COL4A4: variants seen among roughly 807,000 people sequenced by gnomAD.
COL4A4 encodes collagen alpha-4(IV) chain.
In COL4A4, 105 loss-of-function variants were observed where a neutral mutation model predicts 192.9. The ratio of observed to expected loss-of-function variants is 0.54; its 90% CI spans 0.46 to 0.64. The LOEUF is 0.64. Ranked by LOEUF, COL4A4 falls within the 30% of genes least tolerant of loss-of-function variation. COL4A4 has a pLI of 0.00. For synonymous variants in COL4A4, 762 were observed against 769.9 expected (o/e 0.99, Z 0.17); for missense variants, 1,967 against 2,169.3 (o/e 0.91, Z 1.85).
At chr2:227,056,853 A>G (rs889369876) in intron 29 of COL4A4, among the ~76,000 whole-genome samples, 5 of 152,226 alleles carry the variant, frequency 3.3e-5, no homozygotes, top group South Asian at 2.1e-4. Context: ...AGGAAGGCAC[A>G]CCAAATCTGC....
At chr2:227,055,234 G>C (rs7566098) in intron 30 of COL4A4, among the ~76,000 whole-genome samples, 19,362 of 152,098 alleles carry the variant, frequency 0.13, 1,360 homozygotes, top group African/African-American at 0.18. Flanking sequence ...GCTGGGCTCA[G>C]TTGGGCACGG....
chr2:227,007,072 C>T lies in COL4A4; in HGVS notation c.*253G>A, dbSNP rs548643767. 2.3e-4 allele frequency: 130 copies of T among 575,824 alleles called. 5 individuals carry two copies. In the South Asian group the frequency reaches 2.4e-3, roughly 11 times the overall value. The allele number at this position is 575,824 out of a possible 1,614,324, so 35.7% of individuals were successfully genotyped here. ...GAATTAGCATATTTTTAAGTAAAGC[C>T]AGTTCTTCGATCATCCTCAGTAAAA... On this transcript the variant is annotated 3_prime_UTR_variant, in exon 48 of 48. Coordinates refer to ENST00000396625, the MANE Select transcript of COL4A4 (RefSeq NM_000092.5).
intron 23 of COL4A4, 97 bp from the exon 24 acceptor site, chr2:227,080,646 G>A: frequency 1.8e-6 from 2 of 1,081,456 alleles, no homozygotes; most frequent in Non-Finnish European, 2.8e-6. Flanking sequence ...TTGATTCTGG[G>A]TTGGTAGTTT....
At chr2:227,075,359 C>T (rs1366762138) in intron 25 of COL4A4, among the ~76,000 whole-genome samples, 2 of 152,110 alleles carry the variant, frequency 1.3e-5, no homozygotes, top group African/African-American at 4.8e-5. Context: ...AAACATAATT[C>T]ATCACATAAA....
At chr2:227,114,211 G>A (rs2061367891) in intron 8 of COL4A4, among the ~76,000 whole-genome samples, 1 of 152,212 alleles carries the variant, frequency 6.6e-6, no homozygotes, top group Non-Finnish European at 1.5e-5. Context: ...GGGGACATTT[G>A]GTAATGTCTG....
At chr2:227,023,069 G>T (rs1032941423) in intron 43 of COL4A4, among the ~76,000 whole-genome samples, 9 of 152,148 alleles carry the variant, frequency 5.9e-5, no homozygotes, top group African/African-American at 2.2e-4. Flanking sequence ...TCCTGAGTCA[G>T]AAGGTCTGAA....
downstream of COL4A4, among the ~76,000 whole-genome samples, chr2:227,002,390 G>A (rs1402165095): frequency 2.0e-5 from 3 of 152,290 alleles, no homozygotes; most frequent in African/African-American, 7.2e-5. Context: ...TGAAGCAAAT[G>A]GTCTTATTCT....
chr2:227,119,771 A>G (rs2061680204), intron 6 of COL4A4, 124 bp downstream of exon 6: 1 of 391,164 alleles, frequency 2.6e-6, no homozygotes, highest in South Asian at 5.1e-5. Flanking sequence ...TATTTGCTAT[A>G]TATAATATAT....
chr2:227,140,293 C>T (rs2063113651), intron 3 of COL4A4, 55 bp from the exon 4 acceptor site: 1 of 1,400,660 alleles, frequency 7.1e-7, no homozygotes, highest in South Asian at 1.2e-5. Context: ...TAACTACGTG[C>T]ATAACACATA....
At chr2:227,114,450 G>C (rs1310581534) in intron 8 of COL4A4, 178 bp downstream of exon 8, 1 of 700,376 alleles carries the variant, frequency 1.4e-6, no homozygotes, top group Non-Finnish European at 2.6e-6. Context: ...AATTTTACTG[G>C]CGACTAAAGC....
At chr2:227,115,899 T>G (rs2061466660) in intron 7 of COL4A4, among the ~76,000 whole-genome samples, 6 of 152,234 alleles carry the variant, frequency 3.9e-5, no homozygotes, top group Admixed American at 3.9e-4. Context: ...ATTGAGTACT[T>G]GCATAACGTA....
chr2:227,027,987 C>A lies in COL4A4; in HGVS notation c.3996G>T (p.Pro1332=), dbSNP rs1051737695. The A allele has an allele frequency of 1.9e-6, 3 of 1,611,878 alleles. No individual in the cohort carries two copies. Among genetic ancestry groups the A allele is most frequent in the Non-Finnish European group, 2.5e-6 (3 of 1,178,540 alleles). Reference sequence around the variant, plus strand: ...GCCCAGGAAATCCATGTGGTCCCTGCGGTCCCGGGAATCCCACTGGTCCTT... The same window carrying A: ...GCCCAGGAAATCCATGTGGTCCCTGAGGTCCCGGGAATCCCACTGGTCCTT... ...GQKGPVGFPG[P]QGPHGFPGPP... Residue 1332 remains proline, a synonymous_variant, in exon 42 of 48, where the codon CCG becomes CCT. Transcript: ENST00000396625.
rs1559482299 is a variant in COL4A4, at chr2:227,043,157, C to T, written c.3317G>A (p.Gly1106Asp). Residue 1106 changes from glycine (G) to aspartate (D), a missense_variant, in exon 36 of 48, where the codon GGC (glycine) becomes GAC (aspartate). Coordinates refer to ENST00000396625, the MANE Select transcript of COL4A4 (RefSeq NM_000092.5). ...PGHFGASGEQ[G>D]LPGIQGPRGS... ...TCTGGGCCCTTGAATACCAGGCAAG[C>T]CCTGCTCTCCGGATGCTCCAAAATG... The T allele has an allele frequency of 1.9e-6, 3 of 1,613,998 alleles. No individual in the cohort carries two copies. In the Admixed American group the frequency reaches 5.0e-5, roughly 27 times the overall value.
At chr2:227,026,102 T>C (rs1048775092) in intron 42 of COL4A4, among the ~76,000 whole-genome samples, 3 of 152,164 alleles carry the variant, frequency 2.0e-5, no homozygotes, top group Non-Finnish European at 4.4e-5. Context: ...GCAAATATCC[T>C]CTAATTTAAT....
intron 25 of COL4A4, among the ~76,000 whole-genome samples, chr2:227,073,797 G>T (rs1392805571): frequency 6.6e-6 from 1 of 151,842 alleles, no homozygotes; most frequent in Non-Finnish European, 1.5e-5. Flanking sequence ...AAATTGGGGG[G>T]TGGACACCCT....
intron 1 of COL4A4, among the ~76,000 whole-genome samples, chr2:227,160,518 C>T (rs184637437): frequency 2.0e-4 from 30 of 152,198 alleles, no homozygotes; most frequent in Admixed American, 1.0e-3. Flanking sequence ...TCCAGGAGGT[C>T]CCTGAGTGGC....
chr2:227,098,033 T>C (rs907678601), intron 19 of COL4A4, among the ~76,000 whole-genome samples: 1 of 152,226 alleles, frequency 6.6e-6, no homozygotes, highest in African/African-American at 2.4e-5. Flanking sequence ...TCAAAGTCCT[T>C]ATGCCAACAG....
rs1974317876 is a variant in COL4A4 at position 227,052,431 on chromosome 2, C to T, written c.2861-19G>A. 1 of 1,390,098 alleles carries T rather than the reference C, an allele frequency of 7.2e-7. No homozygotes were observed. The highest frequency in any genetic ancestry group is 1.0e-6 in the Non-Finnish European group (1 of 976,298). 86.1% of individuals were successfully genotyped at this position (1,390,098 alleles called of 1,614,324 possible). On this transcript the variant is annotated intron_variant, in intron 31 of 47. Transcript: ENST00000396625. ...ATGGCTCCTATGGATATTAATTATG[C>T]AAGAACAAAATGAACAGGAACATCA...
chr2:227,130,025 G>A (rs140319662), intron 4 of COL4A4, among the ~76,000 whole-genome samples: 1 of 152,260 alleles, frequency 6.6e-6, no homozygotes, highest in African/African-American at 2.4e-5. Flanking sequence ...TCCTTTGGCA[G>A]TGCCTCCAGG....
Sources: gnomAD v4.1 joint callset for allele counts (sites outside exome capture counted in the v4.1 genomes callset) on GRCh38, gnomAD v4.1.1 for gene constraint, MANE v1.5 for transcripts, NCBI Gene and HGNC (gene_info 2026-07-23, HGNC 2026-07-21) for gene names.